ARHGAP32: variants seen among roughly 807,000 people sequenced by gnomAD.
ARHGAP32 encodes the protein rho GTPase-activating protein 32.
A neutral mutation model predicts 186.5 loss-of-function variants in ARHGAP32; 51 were observed. The observed-to-expected ratio is 0.27, with a 90% CI of 0.22 to 0.35. ARHGAP32 has a LOEUF of 0.35. ARHGAP32 is among the 10% of genes least tolerant of loss of function. The pLI is 1.00. For synonymous variants in ARHGAP32, 950 were observed against 964.3 expected, an observed-to-expected ratio of 0.99 and a Z score of 0.27; for missense variants, 2,186 against 2,623.5, an observed-to-expected ratio of 0.83 and a Z score of 3.64.
chr11:129,226,020 T>C (rs1471618597), intron 1 of ARHGAP32, among the ~76,000 whole-genome samples: 1 of 152,022 alleles, frequency 6.6e-6, no homozygotes, highest in African/African-American at 2.4e-5. Context: ...GGAAGAAAAA[T>C]TCTTCAAATA....
chr11:129,036,871 C>T (rs1365227046), intron 11 of ARHGAP32, among the ~76,000 whole-genome samples: 1 of 152,070 alleles, frequency 6.6e-6, no homozygotes, highest in Non-Finnish European at 1.5e-5. Context: ...TCACAAGGAC[C>T]ACTGGGCAAG....
chr11:129,221,479 C>CTGTGTGTGTGTGTGTGTG (rs537808170), intron 1 of ARHGAP32, among the ~76,000 whole-genome samples: 4 of 121,204 alleles, frequency 3.3e-5, no homozygotes, highest in African/African-American at 3.3e-5. Flanking sequence ...ATTGTCATTA[C>CTGTGTGTGTGTGTGTGTG]TGTGTGTGTG....
At chr11:129,145,349 T>C (rs1167795166) in intron 2 of ARHGAP32, among the ~76,000 whole-genome samples, 1 of 116,048 alleles carries the variant, frequency 8.6e-6, no homozygotes, top group Non-Finnish European at 2.0e-5. Context: ...ATATAAATTC[T>C]GGGAAAAGAG....
At chr11:129,147,755 C>A (rs796968240) in intron 2 of ARHGAP32, among the ~76,000 whole-genome samples, 5 of 152,268 alleles carry the variant, frequency 3.3e-5, no homozygotes, top group African/African-American at 1.2e-4. Flanking sequence ...CTTTTAACAA[C>A]TGACTTGTTC....
At chr11:129,239,204 G>C (rs796334023) in intron 1 of ARHGAP32, among the ~76,000 whole-genome samples, 5 of 152,282 alleles carry the variant, frequency 3.3e-5, no homozygotes, top group African/African-American at 1.2e-4. Flanking sequence ...AAATAGTACA[G>C]ACTTTCCTAT....
intron 1 of ARHGAP32, among the ~76,000 whole-genome samples, chr11:129,242,847 G>C (rs1945037697): frequency 6.6e-6 from 1 of 151,606 alleles, no homozygotes; most frequent in Non-Finnish European, 1.5e-5. Flanking sequence ...TAAATAATGA[G>C]CATATGAAAT....
intron 1 of ARHGAP32, among the ~76,000 whole-genome samples, chr11:129,240,010 G>A (rs536054357): frequency 1.7e-3 from 253 of 152,192 alleles, no homozygotes; most frequent in Admixed American, 5.4e-3. Context: ...GTTACTATGC[G>A]CAGTGACAAA....
intron 11 of ARHGAP32, among the ~76,000 whole-genome samples, chr11:129,013,152 A>G (rs1184822885): frequency 6.6e-6 from 1 of 152,216 alleles, no homozygotes; most frequent in Non-Finnish European, 1.5e-5. Flanking sequence ...ATTAAGTAAG[A>G]GTTGCAACAG....
chr11:129,157,906 A>T (rs1013731896), intron 2 of ARHGAP32, among the ~76,000 whole-genome samples: 1 of 152,206 alleles, frequency 6.6e-6, no homozygotes, highest in African/African-American at 2.4e-5. Flanking sequence ...AAGCCAGAAG[A>T]GAGTAGGGGG....
At chr11:129,097,513 T>C (rs1398545619) in intron 5 of ARHGAP32, among the ~76,000 whole-genome samples, 1 of 151,932 alleles carries the variant, frequency 6.6e-6, no homozygotes, top group Non-Finnish European at 1.5e-5. Context: ...AGCTGAGAAG[T>C]ATAACAACTG....
chr11:129,120,585 A>G (rs1455384813), intron 5 of ARHGAP32, among the ~76,000 whole-genome samples: 2 of 152,124 alleles, frequency 1.3e-5, no homozygotes, highest in African/African-American at 2.4e-5. Flanking sequence ...AACATATAGG[A>G]TTAAAAATAA....
intron 5 of ARHGAP32, among the ~76,000 whole-genome samples, chr11:129,096,525 C>A (rs1468818679): frequency 6.6e-6 from 1 of 152,190 alleles, no homozygotes; most frequent in East Asian, 1.9e-4. Context: ...CTATACCCCC[C>A]CGGCCCCGCC....
At chr11:129,075,955 C>T (rs1941027814) in intron 6 of ARHGAP32, among the ~76,000 whole-genome samples, 1 of 152,068 alleles carries the variant, frequency 6.6e-6, no homozygotes. Flanking sequence ...AAATACAGAT[C>T]ACAAAGACCT....
chr11:128,977,083 T>C (rs1945568176), intron 19 of ARHGAP32, among the ~76,000 whole-genome samples: 1 of 152,180 alleles, frequency 6.6e-6, no homozygotes, highest in African/African-American at 2.4e-5. Context: ...CATCAAGGAA[T>C]GCCAGCAGCC....
At chr11:129,014,555 G>T (rs957733141) in intron 11 of ARHGAP32, among the ~76,000 whole-genome samples, 2 of 152,186 alleles carry the variant, frequency 1.3e-5, no homozygotes, top group East Asian at 1.9e-4. Context: ...GGCCTCAGCA[G>T]TAAGTTTATT....
chr11:129,222,397 C>T (rs1488023513), intron 1 of ARHGAP32, among the ~76,000 whole-genome samples: 3 of 152,092 alleles, frequency 2.0e-5, no homozygotes. Flanking sequence ...GTAAAAAAGC[C>T]GGAGAACTTC....
intron 2 of ARHGAP32, among the ~76,000 whole-genome samples, chr11:129,138,969 T>C (rs1942992554): frequency 6.6e-6 from 1 of 152,148 alleles, no homozygotes; most frequent in Admixed American, 6.5e-5. Flanking sequence ...AAACCTACCA[T>C]GTCTAAAACA....
At chr11:129,043,388 T>C (rs939052387) in intron 10 of ARHGAP32, among the ~76,000 whole-genome samples, 7 of 146,210 alleles carry the variant, frequency 4.8e-5, no homozygotes, top group South Asian at 2.2e-4. Context: ...TTTCTTTTTT[T>C]TTTTTTTTTT....
At chr11:128,973,692 C>T in intron 21 of ARHGAP32, 2 of 549,848 alleles carry the variant, frequency 3.6e-6, no homozygotes, top group Non-Finnish European at 3.2e-6. Context: ...AAAGCATGTC[C>T]CTCACCTGGC....
Sources: allele counts gnomAD v4.1 joint callset (sites outside exome capture counted in the v4.1 genomes callset), GRCh38; gene constraint gnomAD v4.1.1; transcripts MANE v1.5; gene names NCBI Gene and HGNC (gene_info 2026-07-23, HGNC 2026-07-21).